The following TULP3 variants were observed in gnomAD, a reference collection of about 807,000 sequenced individuals.
TULP3 encodes the protein tubby-related protein 3.
A neutral mutation model predicts 50.7 loss-of-function variants in TULP3; 38 were observed. The observed-to-expected ratio is 0.75, with a 90% CI of 0.58 to 0.98. The LOEUF (loss-of-function observed/expected upper bound fraction) is 0.98. Among genes scored for constraint, TULP3 ranks in the 50% least tolerant of loss-of-function variants. The pLI is 0.00. For synonymous variants in TULP3, 183 were observed against 196.6 expected, an observed-to-expected ratio of 0.93 and a Z score of 0.58; for missense variants, 550 against 568.0, an observed-to-expected ratio of 0.97 and a Z score of 0.32.
At position 2,939,536 on chromosome 12, in the gene TULP3, A is replaced by G. The variant is rs1565510610; in HGVS notation, c.*92A>G. On this transcript the variant is annotated 3_prime_UTR_variant, in exon 11 of 11. Transcript: ENST00000448120. This position sits in a 1 kb window ranked among gnomAD's most constrained non-coding sequence, Gnocchi z 4.0. Reference sequence around the variant, plus strand: ...CCCCTCCCTGCCCCAGGACTTAAAGAGCAATAGTTTGCCCCTTTTGGAATG... The same window carrying G: ...CCCCTCCCTGCCCCAGGACTTAAAGGGCAATAGTTTGCCCCTTTTGGAATG... 2 of 1,551,174 alleles carry G rather than the reference A, an allele frequency of 1.3e-6. No homozygotes were observed. Among genetic ancestry groups the G allele is most frequent in the African/African-American group, 2.7e-5 (2 of 72,814 alleles).
At chr12:2,918,363 C>T (rs2098189862) in intron 2 of TULP3, among the ~76,000 whole-genome samples, 1 of 151,860 alleles carries the variant, frequency 6.6e-6, no homozygotes, top group Non-Finnish European at 1.5e-5. Flanking sequence ...CCGCCCACCT[C>T]GACCTCCCAA....
intron 2 of TULP3, among the ~76,000 whole-genome samples, chr12:2,910,473 G>A (rs1481948271): frequency 1.3e-5 from 2 of 152,158 alleles, no homozygotes; most frequent in Non-Finnish European, 2.9e-5. Flanking sequence ...ACAAAGGAAG[G>A]ACTAAATGAA....
intron 1 of TULP3, among the ~76,000 whole-genome samples, chr12:2,900,089 G>T (rs2098178218): frequency 6.6e-6 from 1 of 151,884 alleles, no homozygotes. Flanking sequence ...ACCAGGCGTG[G>T]TCGCACTCCT....
rs137957222 is a variant in TULP3 at position 2,932,337 on chromosome 12, G to A, written c.697-1081G>A. On this transcript the variant is annotated intron_variant, in intron 6 of 10. Coordinates refer to ENST00000448120, the MANE Select transcript of TULP3 (RefSeq NM_003324.5). ...CTCACACGTATGATCCCAGCACTTCGGGAGGCTGAGGCAGGTGGATCCCTT... is the reference window on the plus strand; with the variant it reads ...CTCACACGTATGATCCCAGCACTTCAGGAGGCTGAGGCAGGTGGATCCCTT... Among the ~76,000 whole-genome samples the A allele has an allele frequency of 2.1e-3, 321 of 152,190 alleles. 2 individuals carry two copies. Among genetic ancestry groups the A allele is most frequent in the African/African-American group, 6.9e-3 (285 of 41,522 alleles).
At chr12:2,931,333 T>G in intron 6 of TULP3, 93 bp downstream of exon 6, 12 of 1,214,080 alleles carry the variant, frequency 9.9e-6, no homozygotes, top group Non-Finnish European at 1.4e-5. Context: ...AACTCTGGTA[T>G]TAGACCAAGC....
At chr12:2,938,824 G>T (rs1020599975) in intron 10 of TULP3, among the ~76,000 whole-genome samples, 2 of 152,016 alleles carry the variant, frequency 1.3e-5, no homozygotes, top group African/African-American at 4.8e-5. Context: ...TAGGTTGTTT[G>T]GGAAACAAAG....
In TULP3 at chr12:2,941,063, C is replaced by A. The variant is rs1450391738; in HGVS notation, c.*1619C>A. Reference sequence around the variant, plus strand: ...ACTAATTTCACATAATTTGTGTGTGCAGGTGATTGGTTTTTACATAAGTCC... The same window carrying A: ...ACTAATTTCACATAATTTGTGTGTGAAGGTGATTGGTTTTTACATAAGTCC... On this transcript the variant is annotated 3_prime_UTR_variant, in exon 11 of 11. Transcript: ENST00000448120. The A allele has an allele frequency of 4.3e-6, 1 of 234,436 alleles. No individual in the cohort carries two copies. The highest frequency in any genetic ancestry group is 2.3e-5 in the African/African-American group (1 of 44,024). 14.5% of individuals were successfully genotyped at this position (234,436 alleles called of 1,614,324 possible).
intron 8 of TULP3, among the ~76,000 whole-genome samples, chr12:2,936,346 A>C (rs12820058): frequency 0.2 from 31,135 of 151,966 alleles, 3,255 homozygotes; most frequent in South Asian, 0.27. Flanking sequence ...AACCACAACT[A>C]ATTTTCACTG....
intron 1 of TULP3, among the ~76,000 whole-genome samples, chr12:2,903,267 A>G (rs1285510440): frequency 6.6e-6 from 1 of 151,544 alleles, no homozygotes; most frequent in Admixed American, 6.6e-5. Context: ...CTTTTTTTCT[A>G]TTTTGAAAAA....
chr12:2,902,531 C>T (rs1257307757), intron 1 of TULP3, among the ~76,000 whole-genome samples: 1 of 152,192 alleles, frequency 6.6e-6, no homozygotes, highest in Non-Finnish European at 1.5e-5. Context: ...GCAAGAAACA[C>T]TCTTGATTGT....
intron 4 of TULP3, among the ~76,000 whole-genome samples, chr12:2,925,166 C>T (rs181095504): frequency 6.7e-6 from 1 of 150,344 alleles, no homozygotes; most frequent in Non-Finnish European, 1.5e-5. Context: ...AGACTCCGTC[C>T]GTCTCAAAAA....
chr12:2,927,684 C>G (rs1161915993), intron 4 of TULP3, among the ~76,000 whole-genome samples: 1 of 152,130 alleles, frequency 6.6e-6, no homozygotes, highest in East Asian at 1.9e-4. Context: ...TGACCTTTGT[C>G]TTATCCTTGT....
At chr12:2,906,999 C>T (rs2098182688) in intron 1 of TULP3, among the ~76,000 whole-genome samples, 2 of 151,896 alleles carry the variant, frequency 1.3e-5, no homozygotes, top group Non-Finnish European at 2.9e-5. Flanking sequence ...TCCAAGTTTT[C>T]CTTTTGCTAT....
At chr12:2,929,494 T>C (rs377559599) in intron 4 of TULP3, among the ~76,000 whole-genome samples, 1 of 152,302 alleles carries the variant, frequency 6.6e-6, no homozygotes. Flanking sequence ...AAACTTTTTA[T>C]GGAGACAGGT....
rs1018824640 is a variant in TULP3, at chr12:2,909,415, A to G, written c.42-114A>G. The G allele has an allele frequency of 1.6e-5, 16 of 996,548 alleles. No individual in the cohort carries two copies. The African/African-American group carries it at 2.4e-4, about 15-fold the overall frequency. 61.7% of individuals were successfully genotyped at this position (996,548 alleles called of 1,614,324 possible). On this transcript the variant is annotated intron_variant, in intron 1 of 10. Coordinates refer to ENST00000448120, the MANE Select transcript of TULP3 (RefSeq NM_003324.5). ...TAGCCTCTAGAAGCTGATGCCTTCT[A>G]TGAGGCAGAATCGATTGGTTCCAAA...
At chr12:2,938,375 ACAGT>A in intron 10 of TULP3, 90 bp downstream of exon 10, 2 of 1,388,470 alleles carry the variant, frequency 1.4e-6, no homozygotes, top group Non-Finnish European at 2.0e-6. Context: ...ATAGGAAGTG[ACAGT>A]CAGCAGATAA....
At chr12:2,922,681 T>C (rs2098192456) in intron 4 of TULP3, among the ~76,000 whole-genome samples, 2 of 152,214 alleles carry the variant, frequency 1.3e-5, no homozygotes, top group Admixed American at 6.5e-5. Flanking sequence ...TTTGACTATT[T>C]TCAGTTCCCA....
chr12:2,938,346 T>G, intron 10 of TULP3, 61 bp downstream of exon 10: 1 of 1,548,512 alleles, frequency 6.5e-7, no homozygotes, highest in Non-Finnish European at 8.8e-7. Context: ...AGGATGGGAA[T>G]GCACATTCCC....
Position 2,893,327 on chromosome 12 carries a change from G to GGTTTTTTTTTTTT in TULP3, c.41+2339_41+2340insGTTTTTTTTTTTT, listed in dbSNP as rs1555110454. Among the ~76,000 whole-genome samples the GGTTTTTTTTTTTT allele has an allele frequency of 1.6e-5, 2 of 128,162 alleles. 1 individual carries two copies. The allele number at this position is 128,162 out of a possible 152,430, so 84.1% of individuals were successfully genotyped here. On this transcript the variant is annotated intron_variant, in intron 1 of 10. Coordinates refer to ENST00000448120, the MANE Select transcript of TULP3 (RefSeq NM_003324.5). ...GGGCTTCAGGTTGTGTGTTTAATGT[G>GGTTTTTTTTTTTT]TTTTTTTTTTTTTTTTTCCAAACGG...
Sources: gnomAD v4.1 joint callset for allele counts (sites outside exome capture counted in the v4.1 genomes callset) on GRCh38, gnomAD v4.1.1 for gene constraint, Gnocchi (gnomAD v3.1) non-coding constraint, MANE v1.5 for transcripts, NCBI Gene and HGNC (gene_info 2026-07-23, HGNC 2026-07-21) for gene names.